The following ASCC3 variants were observed in gnomAD, a reference collection of about 807,000 sequenced individuals.
ASCC3 encodes the protein activating signal cointegrator 1 complex subunit 3, also known as ASC-1 complex subunit P200.
A neutral mutation model predicts 256.3 loss-of-function variants in ASCC3; 158 were observed. The observed-to-expected ratio is 0.62, with a 90% CI of 0.54 to 0.70. The LOEUF is 0.70. Among genes scored for constraint, ASCC3 ranks in the 30% least tolerant of loss-of-function variants. The pLI, the probability that ASCC3 is intolerant of heterozygous loss-of-function variation, is 0.00. For missense variants in ASCC3, 2,259 were observed against 2,626.0 expected, an observed-to-expected ratio of 0.86 and a Z score of 3.05; for synonymous variants, 948 against 883.4, an observed-to-expected ratio of 1.07 and a Z score of -1.30.
chr6:100,530,738 TA>T (rs1195930572), intron 37 of ASCC3: 9 of 958,388 alleles, frequency 9.4e-6, no homozygotes, highest in Non-Finnish European at 1.5e-5. Context: ...CAGGACAATT[TA>T]AGGATTTTTA....
Position 100,627,692 on chromosome 6 carries a change from G to A in ASCC3, c.4540C>T (p.Arg1514Ter), listed in dbSNP as rs1164835174. ...AGTGGAACTGGGCGTACTGATGGTC[G>A]GAAGTTAAACAAGCCCATCTAGAGT... ...NIKQMGLFNF[R>*]PSVRPVPLEV... Residue 1514 changes from arginine (R) to a stop codon, truncating the protein, a stop_gained, in exon 29 of 42, where the codon CGA becomes TGA. Coordinates refer to ENST00000369162, the MANE Select transcript of ASCC3 (RefSeq NM_006828.4). LOFTEE classifies it high-confidence loss of function. 4 of 1,613,528 alleles carry A rather than the reference G, an allele frequency of 2.5e-6. No individual in the cohort carries two copies. Among genetic ancestry groups the A allele is most frequent in the Non-Finnish European group, 3.4e-6 (4 of 1,179,742 alleles).
At chr6:100,782,635 A>G (rs999478276) in intron 8 of ASCC3, among the ~76,000 whole-genome samples, 1 of 152,194 alleles carries the variant, frequency 6.6e-6, no homozygotes, top group African/African-American at 2.4e-5. Context: ...AATACCAAAA[A>G]TTAGAAACAA....
intron 36 of ASCC3, among the ~76,000 whole-genome samples, chr6:100,565,062 G>A (rs1770161626): frequency 6.6e-6 from 1 of 152,152 alleles, no homozygotes; most frequent in Non-Finnish European, 1.5e-5. Context: ...AATTATTCAG[G>A]AAGATAAATA....
Position 100,629,061 on chromosome 6 carries a change from A to G in ASCC3, c.4329T>C (p.Tyr1443=). The change falls in exon 27 of 42, where the codon TAT becomes TAC. Residue 1443 remains tyrosine (Y), a synonymous_variant. Coordinates refer to ENST00000369162, the MANE Select transcript of ASCC3 (RefSeq NM_006828.4). Reference sequence around the variant, plus strand: ...TGATGAGAATAGTGACTTGCTGAACATAGTTCCTATTTTGCCAGCTTCTGC... The same window carrying G: ...TGATGAGAATAGTGACTTGCTGAACGTAGTTCCTATTTTGCCAGCTTCTGC... ...GVSRSWQNRN[Y]VQQVTILIID... 12 of 1,613,820 alleles carry G rather than the reference A, an allele frequency of 7.4e-6. No individual in the cohort carries two copies. Among genetic ancestry groups the G allele is most frequent in the Non-Finnish European group, 7.6e-6 (9 of 1,179,876 alleles).
At chr6:100,836,761 T>C (rs1222813169) in intron 4 of ASCC3, among the ~76,000 whole-genome samples, 1 of 152,184 alleles carries the variant, frequency 6.6e-6, no homozygotes, top group African/African-American at 2.4e-5. Context: ...GCCTGTAGCA[T>C]GACTTTGGAA....
At position 100,848,475 on chromosome 6, in the gene ASCC3, G is replaced by A. The variant is rs746233550; in HGVS notation, c.474C>T (p.Gly158=). The part of the protein sequence containing the change: ...ALVQMTEKEH[G]DRVFFGKNLA... ...AATTTTTACCAAAAAAAACCCTATC[G>A]CCATGTTCTTTTTCTGTCATCTGCA... Residue 158 remains glycine (G), a synonymous_variant, in exon 4 of 42, where the codon GGC becomes GGT. Coordinates refer to ENST00000369162, the MANE Select transcript of ASCC3 (RefSeq NM_006828.4). 7.7e-5 allele frequency: 124 copies of A among 1,612,796 alleles called. No individual in the cohort carries two copies. The highest frequency in any genetic ancestry group is 1.6e-4 in the Middle Eastern group (1 of 6,080).
chr6:100,831,313 A>G (rs1417778973), intron 4 of ASCC3, among the ~76,000 whole-genome samples: 1 of 151,050 alleles, frequency 6.6e-6, no homozygotes, highest in Non-Finnish European at 1.5e-5. Flanking sequence ...CTTTAATGCA[A>G]CTCTTCTGGT....
chr6:100,694,169 T>G (rs1582709529), intron 13 of ASCC3, among the ~76,000 whole-genome samples: 1 of 152,230 alleles, frequency 6.6e-6, no homozygotes, highest in East Asian at 1.9e-4. Context: ...TAAAAATTTC[T>G]ATTTAAAAAT....
At chr6:100,802,176 G>GTTTA (rs1769949487) in intron 5 of ASCC3, among the ~76,000 whole-genome samples, 1 of 151,908 alleles carries the variant, frequency 6.6e-6, no homozygotes, top group African/African-American at 2.4e-5. Context: ...AGCAGTGAAT[G>GTTTA]TTTAAATGTA....
chr6:100,527,615 C>T (rs1774646432), intron 37 of ASCC3, among the ~76,000 whole-genome samples: 1 of 152,152 alleles, frequency 6.6e-6, no homozygotes, highest in Admixed American at 6.5e-5. Context: ...ATTCTACCTC[C>T]TGGCATCATA....
intron 3 of ASCC3, among the ~76,000 whole-genome samples, chr6:100,854,366 G>A (rs532648812): frequency 1.9e-4 from 29 of 152,174 alleles, no homozygotes; most frequent in African/African-American, 7.0e-4. Context: ...CTCTTTCCGT[G>A]CATGAAAGCA....
Position 100,643,674 on chromosome 6 carries a change from T to A in ASCC3, c.3732+357A>T, listed in dbSNP as rs549363683. 2.0e-5 allele frequency among the ~76,000 whole-genome samples: 3 copies of A among 151,724 alleles called. No homozygotes were observed. The East Asian group carries it at 5.9e-4, about 30-fold the overall frequency. On this transcript the variant is annotated intron_variant, in intron 23 of 41. Coordinates refer to ENST00000369162, the MANE Select transcript of ASCC3 (RefSeq NM_006828.4). The stretch of plus-strand genomic sequence containing the variant: ...TTGTATTGAATATTTTAGGCAATTA[T>A]AACACAATGGTACTTACCTATCTAC...
In ASCC3 at chr6:100,781,009, A is replaced by G. The variant is rs191211422; in HGVS notation, c.1396-13664T>C. Reference sequence around the variant, plus strand: ...TATTTTCCTTTAAAATATGACTACTATGAGGCAGAAATTATGATTTTCAAC... The same window carrying G: ...TATTTTCCTTTAAAATATGACTACTGTGAGGCAGAAATTATGATTTTCAAC... On this transcript the variant is annotated intron_variant, in intron 8 of 41. Coordinates refer to ENST00000369162, the MANE Select transcript of ASCC3 (RefSeq NM_006828.4). Among the ~76,000 whole-genome samples the G allele has an allele frequency of 3.6e-4, 55 of 152,338 alleles. 1 individual carries two copies. Among genetic ancestry groups the G allele is most frequent in the Admixed American group, 1.6e-3 (24 of 15,300 alleles).
chr6:100,797,399 G>A (rs1306130244), intron 8 of ASCC3, among the ~76,000 whole-genome samples: 2 of 148,758 alleles, frequency 1.3e-5, no homozygotes, highest in African/African-American at 5.0e-5. Flanking sequence ...CAGAGGTTGC[G>A]GTGAGCCGAG....
chr6:100,798,964 G>A (rs1354107543), intron 7 of ASCC3, 126 bp from the exon 8 acceptor site: 16 of 913,360 alleles, frequency 1.8e-5, no homozygotes, highest in Admixed American at 5.5e-5. Context: ...AATAAACTTA[G>A]CTAATTTAAA....
intron 8 of ASCC3, among the ~76,000 whole-genome samples, chr6:100,778,412 T>C (rs1385366864): frequency 3.2e-5 from 1 of 31,716 alleles, no homozygotes; most frequent in Non-Finnish European, 5.9e-5. Flanking sequence ...CTGTCTAAAA[T>C]AAGAAGTTAA....
rs1210229056 is a variant in ASCC3 at position 100,627,687 on chromosome 6, T to C, written c.4545A>G (p.Pro1515=). 6 of 1,613,684 alleles carry C rather than the reference T, an allele frequency of 3.7e-6. No homozygotes were observed. The highest frequency in any genetic ancestry group is 4.2e-6 in the Non-Finnish European group (5 of 1,179,788). ...IKQMGLFNFR[P]SVRPVPLEVH... ...CTTCCAGTGGAACTGGGCGTACTGA[T>C]GGTCGGAAGTTAAACAAGCCCATCT... Residue 1515 remains proline (P), a synonymous_variant, in exon 29 of 42, where the codon CCA becomes CCG. Coordinates refer to ENST00000369162, the MANE Select transcript of ASCC3 (RefSeq NM_006828.4).
At chr6:100,704,775 C>T (rs1197610592) in intron 13 of ASCC3, among the ~76,000 whole-genome samples, 1 of 151,862 alleles carries the variant, frequency 6.6e-6, no homozygotes, top group Non-Finnish European at 1.5e-5. Context: ...GCCTTTTATT[C>T]CTTAAAACTG....
chr6:100,757,312 A>C lies in ASCC3; in HGVS notation c.1737+9253T>G, dbSNP rs1781225263. Among the ~76,000 whole-genome samples the C allele has an allele frequency of 2.0e-5, 3 of 152,052 alleles. No individual in the cohort carries two copies. In the South Asian group the frequency reaches 6.2e-4, roughly 32 times the overall value. On this transcript the variant is annotated intron_variant, in intron 10 of 41. Coordinates refer to ENST00000369162, the MANE Select transcript of ASCC3 (RefSeq NM_006828.4). Reference sequence around the variant, plus strand: ...AACACAGCTCAGTAATAGCCACAAGACAACACTAGAATTGAGAATATGGCA... The same window carrying C: ...AACACAGCTCAGTAATAGCCACAAGCCAACACTAGAATTGAGAATATGGCA...
Sources: gnomAD v4.1 joint callset for allele counts (sites outside exome capture counted in the v4.1 genomes callset) on GRCh38, gnomAD v4.1.1 for gene constraint, MANE v1.5 for transcripts, NCBI Gene and HGNC (gene_info 2026-07-23, HGNC 2026-07-21) for gene names.